NDRG2: variants seen among roughly 807,000 people sequenced by gnomAD.
The protein encoded by NDRG2 is NDRG family member 2.
NDRG2 carries 34 observed loss-of-function variants against 58.2 expected under a neutral mutation model. That is an observed-to-expected ratio of 0.58 (90% confidence interval 0.44 to 0.78). The LOEUF (loss-of-function observed/expected upper bound fraction) is 0.78. Ranked by LOEUF, NDRG2 falls within the 30% of genes least tolerant of loss-of-function variation. NDRG2 has a pLI of 0.00. For synonymous variants in NDRG2, 187 were observed against 175.9 expected (o/e 1.06, Z -0.50); for missense variants, 434 against 471.2 (o/e 0.92, Z 0.73).
chr14:21,026,646 G>A (rs554116225), upstream of NDRG2, among the ~76,000 whole-genome samples: 57 of 152,028 alleles, frequency 3.7e-4, no homozygotes, highest in Middle Eastern at 3.4e-3. Flanking sequence ...AAAACTGGTC[G>A]GGCTAAAACC....
intron 1 of NDRG2, chr14:21,058,258 G>C: frequency 6.2e-7 from 1 of 1,614,172 alleles, no homozygotes; most frequent in Non-Finnish European, 8.5e-7. Flanking sequence ...GGTACAAAGA[G>C]AAGCACCTGA....
At chr14:21,041,192 G>A (rs981568732) in intron 1 of NDRG2, among the ~76,000 whole-genome samples, 3 of 151,968 alleles carry the variant, frequency 2.0e-5, no homozygotes, top group South Asian at 2.1e-4. Flanking sequence ...ACAGGGTTTC[G>A]CCACATTGCC....
Position 21,025,039 on chromosome 14 carries a change from C to G in NDRG2, c.-1016G>C, listed in dbSNP as rs1325618969. The G allele has an allele frequency of 1.0e-6, 1 of 985,960 alleles. No individual in the cohort carries two copies. The highest frequency in any genetic ancestry group is 1.7e-5 in the African/African-American group (1 of 57,258). The allele number at this position is 985,960 out of a possible 1,614,324, so 61.1% of individuals were successfully genotyped here. ...TGCCCCTCCCCCTACCTGCTGCCGC[C>G]GCGGCCGCTTCCACCTTCACTTGCC... On this transcript the variant is annotated 5_prime_UTR_variant, in exon 1 of 16. Transcript: ENST00000556147. The surrounding 1 kb of genome is among the most constrained non-coding windows in gnomAD (Gnocchi z 5.1).
At chr14:21,058,246 C>T in intron 1 of NDRG2, 1 of 1,614,174 alleles carries the variant, frequency 6.2e-7, no homozygotes, top group Non-Finnish European at 8.5e-7. Flanking sequence ...ACCCAAACTG[C>T]AGGTACAAAG....
intron 1 of NDRG2, among the ~76,000 whole-genome samples, chr14:21,055,879 G>C (rs1885653829): frequency 1.3e-5 from 2 of 152,158 alleles, no homozygotes; most frequent in African/African-American, 4.8e-5. Context: ...GTAGTGCAGA[G>C]GGAGGGAAAG....
chr14:21,069,375 C>G (rs746799633), intron 1 of NDRG2, among the ~76,000 whole-genome samples: 2 of 152,220 alleles, frequency 1.3e-5, no homozygotes, highest in African/African-American at 4.8e-5. Context: ...CTGCGGGACT[C>G]TATAGCCACC....
chr14:21,018,870 C>T, intron 11 of NDRG2, 56 bp from the exon 12 acceptor site: 4 of 1,605,638 alleles, frequency 2.5e-6, no homozygotes, highest in South Asian at 2.2e-5. Flanking sequence ...CCTCACTGGC[C>T]TCTGCCTAGG....
rs142730462 is a variant in NDRG2 at position 21,017,625 on chromosome 14, G to T, written c.1087C>A (p.Pro363Thr). Residue 363 changes from proline (P) to threonine (T), a missense_variant, in exon 16 of 16, where the codon CCG becomes ACG. Coordinates refer to ENST00000556147, the MANE Select transcript of NDRG2 (RefSeq NM_001320329.2). ...SESGTLSSGP[P>T]GHTMEVSC ...CAGGAGACCTCCATGGTGTGCCCCGGGGGCCCCGAAGAAAGAGTTCCAGAC... is the reference window on the plus strand; with the variant it reads ...CAGGAGACCTCCATGGTGTGCCCCGTGGGCCCCGAAGAAAGAGTTCCAGAC... The T allele has an allele frequency of 1.0e-4, 162 of 1,613,636 alleles. No homozygotes were observed. Among genetic ancestry groups the T allele is most frequent in the Non-Finnish European group, 1.3e-4 (154 of 1,179,888 alleles).
At chr14:21,034,895 A>T (rs898743975) in intron 1 of NDRG2, 1 of 152,558 alleles carries the variant, frequency 6.6e-6, no homozygotes, top group South Asian at 2.1e-4. Flanking sequence ...CTACAGTGTC[A>T]TTGGAACACT....
intron 1 of NDRG2, chr14:21,032,256 A>C: frequency 2.8e-6 from 2 of 705,866 alleles, no homozygotes; most frequent in South Asian, 3.0e-5. Flanking sequence ...GTTCTCCACC[A>C]CACACCCTTC....
chr14:21,022,356 C>T (rs1880985208), intron 4 of NDRG2, 36 bp downstream of exon 4: 5 of 1,593,202 alleles, frequency 3.1e-6, no homozygotes, highest in Non-Finnish European at 8.6e-7. Flanking sequence ...ACAGCCTCTT[C>T]CCAGACAGGA....
chr14:21,052,538 CAT>C (rs200294492), intron 1 of NDRG2, among the ~76,000 whole-genome samples: 2,358 of 152,244 alleles, frequency 0.015, 64 homozygotes, highest in African/African-American at 0.053. Flanking sequence ...GAGAGCAAAA[CAT>C]GTGCTGGAGA....
At chr14:21,020,067 G>A (rs1018070254) in intron 8 of NDRG2, 91 bp from the exon 9 acceptor site, 24 of 1,195,644 alleles carry the variant, frequency 2.0e-5, no homozygotes, top group Middle Eastern at 5.5e-4. Flanking sequence ...AGGCCGAGGC[G>A]GGTGGATCAC....
intron 9 of NDRG2, 54 bp from the exon 10 acceptor site, chr14:21,019,796 A>C: frequency 6.6e-7 from 1 of 1,515,500 alleles, no homozygotes; most frequent in Non-Finnish European, 9.2e-7. Context: ...AACAACAATT[A>C]CTGGAGGAAA....
chr14:21,067,700 C>T (rs1403229904), intron 1 of NDRG2, among the ~76,000 whole-genome samples: 2 of 151,952 alleles, frequency 1.3e-5, no homozygotes, highest in African/African-American at 4.8e-5. Context: ...TATAACTTTA[C>T]CCTTTCATAT....
chr14:21,043,187 C>G lies in NDRG2; in HGVS notation c.25-19866G>C, dbSNP rs754709164. On this transcript the variant is annotated intron_variant, in intron 1 of 14. Transcript: ENST00000403829. Reference sequence around the variant, plus strand: ...ACATTAACAAGCACACAAAACGGTGCAAAGACCTCAACACCTTCCTGCACG... The same window carrying G: ...ACATTAACAAGCACACAAAACGGTGGAAAGACCTCAACACCTTCCTGCACG... 9 of 1,614,180 alleles carry G rather than the reference C, an allele frequency of 5.6e-6. No homozygotes were observed. The South Asian group carries it at 9.9e-5, about 18-fold the overall frequency.
intron 1 of NDRG2, among the ~76,000 whole-genome samples, chr14:21,064,664 C>T (rs772973858): frequency 9.2e-5 from 14 of 152,154 alleles, no homozygotes; most frequent in African/African-American, 1.2e-4. Context: ...GAAATATATA[C>T]GGACAATGCT....
Position 21,017,440 on chromosome 14 carries a change from G to A in NDRG2, c.*156C>T, listed in dbSNP as rs1478592366. 9.5e-6 allele frequency: 8 copies of A among 842,080 alleles called. No homozygotes were observed. The highest frequency in any genetic ancestry group is 1.3e-5 in the Non-Finnish European group (7 of 547,722). 52.2% of individuals were successfully genotyped at this position (842,080 alleles called of 1,614,324 possible). A position where few individuals can be genotyped will look rare whatever the true frequency, so the allele number is the denominator to read the frequency against. On this transcript the variant is annotated 3_prime_UTR_variant, in exon 16 of 16. Transcript: ENST00000556147. ...AGCTGGGGGGAATCACGGGTTAAAG[G>A]TCAAGGTTAGGGTAGCAATCAAAGA... is the stretch of plus-strand genomic sequence containing the variant.
intron 1 of NDRG2, among the ~76,000 whole-genome samples, chr14:21,058,938 C>G (rs144553679): frequency 2.0e-4 from 30 of 152,366 alleles, no homozygotes; most frequent in African/African-American, 6.5e-4. Flanking sequence ...GAAACACTTA[C>G]TTCTGTGAGG....
Sources: allele counts gnomAD v4.1 joint callset (sites outside exome capture counted in the v4.1 genomes callset), GRCh38; gene constraint gnomAD v4.1.1; non-coding constraint Gnocchi (gnomAD v3.1); transcripts MANE v1.5; gene names NCBI Gene and HGNC (gene_info 2026-07-23, HGNC 2026-07-21).